ARHGAP23: variants seen among roughly 807,000 people sequenced by gnomAD.
ARHGAP23 encodes rho GTPase-activating protein 23.
In ARHGAP23, 34 loss-of-function variants were observed where a neutral mutation model predicts 136.3. That is an observed-to-expected ratio of 0.25 (90% CI 0.19 to 0.33). The LOEUF is 0.33. ARHGAP23 is among the 10% of genes least tolerant of loss of function. The pLI, the probability that ARHGAP23 is intolerant of heterozygous loss-of-function variation, is 1.00. For synonymous variants in ARHGAP23, 832 were observed against 920.5 expected, an observed-to-expected ratio of 0.90 and a Z score of 1.74; for missense variants, 1,808 against 2,139.0, an observed-to-expected ratio of 0.85 and a Z score of 3.05.
chr17:38,428,840 C>T (rs1475477467), intron 1 of ARHGAP23, among the ~76,000 whole-genome samples: 1 of 152,130 alleles, frequency 6.6e-6, no homozygotes, highest in African/African-American at 2.4e-5. Context: ...GCCAGGCCCC[C>T]AGCGGCTGGG....
At chr17:38,488,639 C>T (rs563750735) in intron 17 of ARHGAP23, among the ~76,000 whole-genome samples, 1 of 152,300 alleles carries the variant, frequency 6.6e-6, no homozygotes, top group African/African-American at 2.4e-5. Flanking sequence ...ACCTCTGCCT[C>T]CTGGGTTCAA....
chr17:38,510,195 G>A lies in ARHGAP23; in HGVS notation c.3699G>A (p.Ala1233=). 2.2e-6 allele frequency: 3 copies of A among 1,357,486 alleles called. No homozygotes were observed. Among genetic ancestry groups the A allele is most frequent in the Non-Finnish European group, 1.9e-6 (2 of 1,056,266 alleles). 84.1% of individuals were successfully genotyped at this position (1,357,486 alleles called of 1,614,324 possible). A position where few individuals can be genotyped will look rare whatever the true frequency, so the allele number is the denominator to read the frequency against. Residue 1233 remains alanine, a synonymous_variant, in exon 24 of 24, where the codon GCG becomes GCA. Transcript: ENST00000622683. This position sits in a 1 kb window ranked among gnomAD's most constrained non-coding sequence, Gnocchi z 4.6. ...PEAPGRLSPP[A]APEERPAADT... ...CCCCCGGACGCCTCAGTCCCCCGGC[G>A]GCGCCGGAGGAGCGGCCGGCCGCGG...
intron 2 of ARHGAP23, among the ~76,000 whole-genome samples, chr17:38,458,591 G>T (rs2039386325): frequency 2.0e-5 from 3 of 152,294 alleles, no homozygotes; most frequent in African/African-American, 4.8e-5. Context: ...ACCCCCAGAC[G>T]CTTGTCTCTG....
At chr17:38,467,430 C>G in intron 7 of ARHGAP23, 99 bp downstream of exon 7, 1 of 1,184,184 alleles carries the variant, frequency 8.4e-7, no homozygotes. Context: ...CAGAATTCGG[C>G]TGGGTGCTGG....
intron 1 of ARHGAP23, among the ~76,000 whole-genome samples, chr17:38,444,437 G>A (rs563126832): frequency 5.5e-4 from 84 of 152,192 alleles, no homozygotes; most frequent in South Asian, 4.8e-3. Context: ...AGCGTGTGGC[G>A]CGTTGGAATG....
chr17:38,481,965 T>C (rs1260630741), intron 14 of ARHGAP23, 57 bp from the exon 15 acceptor site: 5 of 1,450,626 alleles, frequency 3.4e-6, no homozygotes, highest in Non-Finnish European at 4.5e-6. Flanking sequence ...TGGCAGTGAA[T>C]GTGTGTGACC....
rs59571187 is a variant in ARHGAP23 at position 38,446,609 on chromosome 17, AT to A, written c.64-11474del. On this transcript the variant is annotated intron_variant, in intron 1 of 23. Coordinates refer to ENST00000622683, the MANE Select transcript of ARHGAP23 (RefSeq NM_001199417.2). ...GGATCATATGGTAATTCTGTGTTTA[AT>A]TTTTTTTTTTTTTTTTTTGAGACGG... Among the ~76,000 whole-genome samples the A allele has an allele frequency of 6.4e-3, 836 of 131,618 alleles. 3 individuals carry two copies. Among genetic ancestry groups the A allele is most frequent in the East Asian group, 0.025 (109 of 4,440 alleles). The allele number at this position is 131,618 out of a possible 152,430, so 86.3% of individuals were successfully genotyped here. A position where few individuals can be genotyped will look rare whatever the true frequency, so the allele number is the denominator to read the frequency against.
intron 14 of ARHGAP23, among the ~76,000 whole-genome samples, chr17:38,480,173 A>G (rs1006396921): frequency 1.3e-5 from 2 of 151,992 alleles, no homozygotes; most frequent in African/African-American, 2.4e-5. Flanking sequence ...TCCAAGAGCA[A>G]CCTTTCCCAT....
Position 38,500,606 on chromosome 17 carries a change from C to A in ARHGAP23, c.3425C>A (p.Thr1142Asn). The change falls in exon 23 of 24, where the codon ACC becomes AAC. Residue 1142 changes from threonine to asparagine, a missense_variant. By Grantham distance (65) the Thr-to-Asn change is moderately conservative (BLOSUM62 0). Transcript: ENST00000622683. The part of the protein sequence containing the change: ...PPGDPGSDST[T>N]CSSAKSKGSW... The stretch of plus-strand genomic sequence containing the variant: ...TGTCTTTCACCAACAGATTCTACCA[C>A]CTGTAGTTCAGCCAAGTCCAAGGTA... The A allele has an allele frequency of 6.5e-7, 1 of 1,549,262 alleles. No individual in the cohort carries two copies. Among genetic ancestry groups the A allele is most frequent in the Non-Finnish European group, 8.7e-7 (1 of 1,146,658 alleles).
At chr17:38,452,340 G>C (rs978798883) in intron 1 of ARHGAP23, 2 of 139,228 alleles carry the variant, frequency 1.4e-5, no homozygotes, top group African/African-American at 5.3e-5. Flanking sequence ...CCACCCTCCC[G>C]CAGGTTCTTG....
At chr17:38,469,112 G>C in intron 7 of ARHGAP23, 32 bp from the exon 8 acceptor site, 3 of 1,528,934 alleles carry the variant, frequency 2.0e-6, no homozygotes, top group Non-Finnish European at 2.6e-6. Flanking sequence ...GCTGTCTGCT[G>C]CCTTCACACC....
intron 17 of ARHGAP23, among the ~76,000 whole-genome samples, chr17:38,486,835 G>A (rs1195041646): frequency 6.6e-6 from 1 of 152,202 alleles, no homozygotes; most frequent in Non-Finnish European, 1.5e-5. Flanking sequence ...CCCAGGCGTC[G>A]GGCACCGACG....
At chr17:38,493,052 G>A (rs2144761623) in intron 20 of ARHGAP23, among the ~76,000 whole-genome samples, 1 of 152,346 alleles carries the variant, frequency 6.6e-6, no homozygotes, top group East Asian at 1.9e-4. Flanking sequence ...GGGTGGAGAA[G>A]GTGGAGTTTG....
In ARHGAP23 at chr17:38,499,431, C is replaced by T. The variant is rs565199729; in HGVS notation, c.3415+921C>T. Reference sequence around the variant, plus strand: ...TGCAGGGCCTGTGGCCCTCTCATGGCAGAGGACAGATGATTTACATGCTCA... The same window carrying T: ...TGCAGGGCCTGTGGCCCTCTCATGGTAGAGGACAGATGATTTACATGCTCA... On this transcript the variant is annotated intron_variant, in intron 22 of 23. Coordinates refer to ENST00000622683, the MANE Select transcript of ARHGAP23 (RefSeq NM_001199417.2). 1.6e-3 allele frequency among the ~76,000 whole-genome samples: 242 copies of T among 152,334 alleles called. 1 individual carries two copies. Among genetic ancestry groups the T allele is most frequent in the Admixed American group, 2.6e-3 (40 of 15,304 alleles).
At chr17:38,420,740 C>T (rs1484780660) in intron 1 of ARHGAP23, among the ~76,000 whole-genome samples, 2 of 151,578 alleles carry the variant, frequency 1.3e-5, no homozygotes, top group African/African-American at 2.4e-5. Flanking sequence ...GCCTGTTTGG[C>T]ATCTTGGGCA....
rs2040774040 is a variant in ARHGAP23, at chr17:38,511,962, C to G, written c.*990C>G. On this transcript the variant is annotated 3_prime_UTR_variant, in exon 24 of 24. Transcript: ENST00000622683. ...CTGCAGGATGGACAGGACCCAGCGC[C>G]CTCTTCTCCCCACAGGCTGTAAATA... The G allele has an allele frequency of 6.6e-6, 1 of 152,330 alleles. No individual in the cohort carries two copies. The highest frequency in any genetic ancestry group is 2.1e-4 in the South Asian group (1 of 4,816). 9.4% of individuals were successfully genotyped at this position (152,330 alleles called of 1,614,324 possible).
At chr17:38,437,510 G>A (rs1464749690) in intron 1 of ARHGAP23, among the ~76,000 whole-genome samples, 1 of 151,940 alleles carries the variant, frequency 6.6e-6, no homozygotes, top group African/African-American at 2.4e-5. Flanking sequence ...CCAGCTACTC[G>A]GGAGGCTGAG....
chr17:38,488,539 T>C (rs1435500747), intron 17 of ARHGAP23, among the ~76,000 whole-genome samples: 2 of 152,204 alleles, frequency 1.3e-5, no homozygotes, highest in African/African-American at 2.4e-5. Flanking sequence ...ACAAATTTTT[T>C]GTTGTTGTTG....
chr17:38,452,126 A>G (rs981413500), intron 1 of ARHGAP23, among the ~76,000 whole-genome samples: 3 of 148,540 alleles, frequency 2.0e-5, no homozygotes, highest in African/African-American at 7.5e-5. Flanking sequence ...CTTGATCCCG[A>G]CCTCCCTCGT....
Sources: gnomAD v4.1 joint callset for allele counts (sites outside exome capture counted in the v4.1 genomes callset) on GRCh38, gnomAD v4.1.1 for gene constraint, Gnocchi (gnomAD v3.1) non-coding constraint, MANE v1.5 for transcripts, NCBI Gene and HGNC (gene_info 2026-07-23, HGNC 2026-07-21) for gene names.